ZNRF1: variants seen among roughly 807,000 people sequenced by gnomAD.
ZNRF1 encodes E3 ubiquitin-protein ligase ZNRF1.
In ZNRF1, 3 loss-of-function variants were observed where a neutral mutation model predicts 18.4. That is an observed-to-expected ratio of 0.16 (90% CI 0.07 to 0.42). The LOEUF (loss-of-function observed/expected upper bound fraction) is 0.42. Among genes scored for constraint, ZNRF1 ranks in the 10% least tolerant of loss-of-function variants. ZNRF1 has a pLI of 0.99. For missense variants in ZNRF1, 310 were observed against 329.8 expected (o/e 0.94, Z 0.47); for synonymous variants, 157 against 144.2 (o/e 1.09, Z -0.64).
intron 1 of ZNRF1, among the ~76,000 whole-genome samples, chr16:75,070,837 A>T (rs948380670): frequency 6.6e-6 from 1 of 152,164 alleles, no homozygotes; most frequent in Non-Finnish European, 1.5e-5. Context: ...GGAGCCGCCC[A>T]TCTTGTTGTG....
At chr16:75,099,445 T>C (rs1422475486) in intron 2 of ZNRF1, among the ~76,000 whole-genome samples, 2 of 151,524 alleles carry the variant, frequency 1.3e-5, no homozygotes, top group Non-Finnish European at 2.9e-5. Context: ...TCCAGGGCCG[T>C]GCTCGCCATT....
chr16:75,091,581 G>A (rs1215078160), intron 1 of ZNRF1, among the ~76,000 whole-genome samples: 2 of 144,396 alleles, frequency 1.4e-5, no homozygotes, highest in Non-Finnish European at 1.5e-5. Context: ...CCCCCAGGCT[G>A]GAGTGCAGTG....
chr16:75,010,860 G>T (rs1159196799), intron 1 of ZNRF1, among the ~76,000 whole-genome samples: 1 of 151,954 alleles, frequency 6.6e-6, no homozygotes, highest in Admixed American at 6.6e-5. Flanking sequence ...ACAGGCATGT[G>T]CCACCACAGC....
At position 75,086,947 on chromosome 16, in the gene ZNRF1, G is replaced by A. The variant is rs369732179; in HGVS notation, c.425-6625G>A. Among the ~76,000 whole-genome samples, 9 of 152,120 alleles carry A rather than the reference G, an allele frequency of 5.9e-5. No individual in the cohort carries two copies. In the East Asian group the frequency reaches 1.5e-3, roughly 26 times the overall value. On this transcript the variant is annotated intron_variant, in intron 1 of 4. Coordinates refer to ENST00000335325, the MANE Select transcript of ZNRF1 (RefSeq NM_032268.5). ...TAAAATAGCGCATCAGCATGGGGAG[G>A]GGGGCAGAAGGGAGGGCTGGGGAGG...
chr16:75,008,953 G>A (rs77806383), intron 1 of ZNRF1, among the ~76,000 whole-genome samples: 4,743 of 152,096 alleles, frequency 0.031, 229 homozygotes, highest in African/African-American at 0.11. Flanking sequence ...GAAATTCCTC[G>A]TATGTCTCAG....
At chr16:75,066,449 G>C (rs1180253961) in intron 1 of ZNRF1, among the ~76,000 whole-genome samples, 3 of 152,142 alleles carry the variant, frequency 2.0e-5, no homozygotes, top group Non-Finnish European at 2.9e-5. Flanking sequence ...ATTGATGAAG[G>C]GATATTTAAT....
intron 1 of ZNRF1, among the ~76,000 whole-genome samples, chr16:75,074,389 G>A (rs11641489): frequency 0.085 from 12,984 of 152,246 alleles, 664 homozygotes; most frequent in Admixed American, 0.13. Context: ...AGAGGGCACA[G>A]TGCTGCATAA....
chr16:75,009,084 C>G (rs894776414), intron 1 of ZNRF1, among the ~76,000 whole-genome samples: 1 of 152,148 alleles, frequency 6.6e-6, no homozygotes, highest in Non-Finnish European at 1.5e-5. Context: ...TCTTTCTGGT[C>G]ATTGAACACT....
chr16:75,080,245 G>T (rs1000231489), intron 1 of ZNRF1, among the ~76,000 whole-genome samples: 1 of 152,238 alleles, frequency 6.6e-6, no homozygotes, highest in Non-Finnish European at 1.5e-5. Flanking sequence ...AATGAATACA[G>T]CAGCACACAT....
chr16:75,073,146 C>CTCTCTCTCTCTCTCTCTCTCTCTG (rs146902791), intron 1 of ZNRF1, among the ~76,000 whole-genome samples: 9 of 128,734 alleles, frequency 7.0e-5, no homozygotes, highest in African/African-American at 2.1e-4. Context: ...CTCTCTCTCT[C>CTCTCTCTCTCTCTCTCTCTCTCTG]TCTCTCTGTC....
chr16:75,096,061 C>CGTGTGTGTGTGTGT (rs56013949), intron 2 of ZNRF1, among the ~76,000 whole-genome samples: 2,222 of 139,642 alleles, frequency 0.016, 51 homozygotes, highest in African/African-American at 0.029. Flanking sequence ...TATGTGTGCA[C>CGTGTGTGTGTGTGT]GTGTGTGTGT....
intron 4 of ZNRF1, 144 bp downstream of exon 4, chr16:75,106,715 T>A: frequency 1.6e-6 from 1 of 619,496 alleles, no homozygotes; most frequent in South Asian, 1.9e-5. Context: ...CAGTGAGCAG[T>A]TAGTCATCCG....
In ZNRF1 at chr16:74,999,663, C is replaced by T. The variant is rs1315176369; in HGVS notation, c.-9C>T. On this transcript the variant is annotated 5_prime_UTR_variant, in exon 1 of 5. Coordinates refer to ENST00000335325, the MANE Select transcript of ZNRF1 (RefSeq NM_032268.5). ...TCCAGGTTCCCGCCCCACCGGGGCC[C>T]GGGCGAGCATGGGGGGCAAGCAGAG... 2 of 1,334,452 alleles carry T rather than the reference C, an allele frequency of 1.5e-6. No individual in the cohort carries two copies. The highest frequency in any genetic ancestry group is 1.9e-6 in the Non-Finnish European group (2 of 1,048,888). The allele number at this position is 1,334,452 out of a possible 1,614,324, so 82.7% of individuals were successfully genotyped here.
chr16:75,064,834 A>G (rs917437866), intron 1 of ZNRF1, among the ~76,000 whole-genome samples: 1 of 152,238 alleles, frequency 6.6e-6, no homozygotes, highest in African/African-American at 2.4e-5. Context: ...GTATCAAGGA[A>G]AGCCAGAGAG....
chr16:75,026,489 C>G (rs1567470130), intron 1 of ZNRF1, among the ~76,000 whole-genome samples: 1 of 152,116 alleles, frequency 6.6e-6, no homozygotes, highest in Non-Finnish European at 1.5e-5. Flanking sequence ...AGGAAAAGTA[C>G]TTGGAAAAAT....
chr16:75,069,093 T>C (rs138622334), intron 1 of ZNRF1, among the ~76,000 whole-genome samples: 4 of 152,208 alleles, frequency 2.6e-5, no homozygotes, highest in African/African-American at 7.2e-5. Flanking sequence ...ACAGCGTTAA[T>C]TGGCTCATCG....
At chr16:75,028,122 G>T (rs1216294825) in intron 1 of ZNRF1, among the ~76,000 whole-genome samples, 2 of 152,132 alleles carry the variant, frequency 1.3e-5, no homozygotes, top group Non-Finnish European at 2.9e-5. Flanking sequence ...AGTCCATCCA[G>T]AGTGCTGCTC....
intron 1 of ZNRF1, among the ~76,000 whole-genome samples, chr16:75,070,322 T>C (rs2035855080): frequency 6.6e-6 from 1 of 152,128 alleles, no homozygotes; most frequent in Admixed American, 6.5e-5. Flanking sequence ...TCCCCACTGC[T>C]CTGCAAGCTT....
intron 1 of ZNRF1, among the ~76,000 whole-genome samples, chr16:75,033,884 C>T (rs66499664): frequency 0.4 from 61,345 of 151,946 alleles, 14,932 homozygotes; most frequent in Non-Finnish European, 0.55. Context: ...CAGTGGCTCA[C>T]GCCTGTAATC....
Sources: allele counts gnomAD v4.1 joint callset (sites outside exome capture counted in the v4.1 genomes callset), GRCh38; gene constraint gnomAD v4.1.1; transcripts MANE v1.5; gene names NCBI Gene and HGNC (gene_info 2026-07-23, HGNC 2026-07-21).